Variants in TRAPPC8 observed in about 807,000 individuals in gnomAD.
TRAPPC8 encodes trafficking protein particle complex subunit 8, also known as general sporulation gene 1 homolog.
A neutral mutation model predicts 174.3 loss-of-function variants in TRAPPC8; 54 were observed. That is an observed-to-expected ratio of 0.31 (90% confidence interval 0.25 to 0.39). The LOEUF (loss-of-function observed/expected upper bound fraction) is 0.39, where lower values mean the gene tolerates loss of function less well. TRAPPC8 is among the 10% of genes least tolerant of loss of function. TRAPPC8 has a pLI of 1.00. For synonymous variants in TRAPPC8, 630 were observed against 579.9 expected (o/e 1.09, Z -1.24); for missense variants, 1,531 against 1,699.1 (o/e 0.90, Z 1.74).
At position 31,880,119 on chromosome 18, in the gene TRAPPC8, ATATTTTT is replaced by A. The variant is rs1245333379; in HGVS notation, c.1729-5422_1729-5416del. Reference sequence around the variant, plus strand: ...TATATATATATATATATATATATATATATTTTTTTTTTTTTAAGGAAGAAAGATTCCT... The same window carrying A: ...TATATATATATATATATATATATATATTTTTTTTAAGGAAGAAAGATTCCT... On this transcript the variant is annotated intron_variant, in intron 12 of 28. Coordinates refer to ENST00000283351, the MANE Select transcript of TRAPPC8 (RefSeq NM_014939.5). Among the ~76,000 whole-genome samples the A allele has an allele frequency of 7.3e-4, 53 of 72,824 alleles. 1 individual carries two copies. The highest frequency in any genetic ancestry group is 1.4e-3 in the South Asian group (3 of 2,174). The allele number at this position is 72,824 out of a possible 152,430, so 47.8% of individuals were successfully genotyped here.
intron 28 of TRAPPC8, 101 bp from the exon 29 acceptor site, chr18:31,831,090 C>T (rs1186451215): frequency 1.5e-5 from 14 of 925,966 alleles, no homozygotes; most frequent in South Asian, 1.7e-5. Flanking sequence ...CGGTGGCTCA[C>T]GCCTGTAATC....
chr18:31,882,965 C>T (rs1220277444), intron 12 of TRAPPC8, among the ~76,000 whole-genome samples: 1 of 147,854 alleles, frequency 6.8e-6, no homozygotes, highest in East Asian at 2.1e-4. Flanking sequence ...TGGCTCACAC[C>T]TGTAATCCCA....
intron 15 of TRAPPC8, 44 bp downstream of exon 15, chr18:31,870,878 TGTAA>T: frequency 7.1e-7 from 1 of 1,402,558 alleles, no homozygotes; most frequent in South Asian, 1.7e-5. Context: ...TTCATCATGC[TGTAA>T]GTAAAACAAA....
At chr18:31,870,029 T>C (rs1443459837) in intron 16 of TRAPPC8, 7 of 154,504 alleles carry the variant, frequency 4.5e-5, no homozygotes. Flanking sequence ...GAGGCAGAGG[T>C]TGCAGTGAGC....
At chr18:31,889,860 C>T (rs2035879896) in intron 12 of TRAPPC8, among the ~76,000 whole-genome samples, 1 of 152,104 alleles carries the variant, frequency 6.6e-6, no homozygotes, top group South Asian at 2.1e-4. Flanking sequence ...AATTTCTGAA[C>T]ATCTTTACTT....
At chr18:31,911,894 T>C (rs2036927012) in intron 5 of TRAPPC8, among the ~76,000 whole-genome samples, 1 of 150,900 alleles carries the variant, frequency 6.6e-6, no homozygotes, top group Non-Finnish European at 1.5e-5. Context: ...AAAAAAAATT[T>C]TCTTCTAAAC....
Position 31,829,290 on chromosome 18 carries a change from A to G in TRAPPC8, c.*1465T>C, listed in dbSNP as rs945522438. 1 of 152,194 alleles carries G rather than the reference A, an allele frequency of 6.6e-6. No homozygotes were observed. Among genetic ancestry groups the G allele is most frequent in the Non-Finnish European group, 1.5e-5 (1 of 68,036 alleles). 9.4% of individuals were successfully genotyped at this position (152,194 alleles called of 1,614,324 possible). A position where few individuals can be genotyped will look rare whatever the true frequency, so the allele number is the denominator to read the frequency against. The stretch of plus-strand genomic sequence containing the variant: ...TTAGTGTCTGTTTAACAATCGGTTC[A>G]ATTTAATATTCAGCTGAGTGGTTTA... On this transcript the variant is annotated 3_prime_UTR_variant, in exon 29 of 29. Transcript: ENST00000283351.
In TRAPPC8 at chr18:31,867,453, A is replaced by G. The variant is rs757194963; in HGVS notation, c.2412T>C (p.Ile804=). Residue 804 remains isoleucine, a synonymous_variant, in exon 17 of 29, where the codon ATT becomes ATC. Transcript: ENST00000283351. ...AGAACTCTGAAATAACTTCAGCTCC[A>G]ATCATTTCAGGTTCACTTGTAACCT... The part of the protein sequence containing the change: ...KQLVTSEPEM[I]GAEVISEFLI... 4 of 1,607,862 alleles carry G rather than the reference A, an allele frequency of 2.5e-6. No homozygotes were observed.
intron 2 of TRAPPC8, among the ~76,000 whole-genome samples, chr18:31,928,336 TACAC>T (rs34570497): frequency 0.022 from 3,198 of 142,914 alleles, 108 homozygotes; most frequent in African/African-American, 0.075. Context: ...ACCTTATCTC[TACAC>T]ACACACACAC....
At chr18:31,861,943 G>GGGGGCGGT (rs2034348659) in intron 19 of TRAPPC8, among the ~76,000 whole-genome samples, 1 of 136,670 alleles carries the variant, frequency 7.3e-6, no homozygotes, top group Non-Finnish European at 1.6e-5. Context: ...AAAAGGGGGG[G>GGGGGCGGT]GGGGGCGGTG....
Position 31,942,950 on chromosome 18 carries a change from A to AC in TRAPPC8, c.-187dup, listed in dbSNP as rs1251263865. On this transcript the variant is annotated 5_prime_UTR_variant, in exon 1 of 29. Coordinates refer to ENST00000283351, the MANE Select transcript of TRAPPC8 (RefSeq NM_014939.5). ...TCGGTTTCTGGGGCACAATCCACTG[A>AC]CCCCCCCCTTCCCGTCACCGCCGCT... 1.3e-3 allele frequency: 1,488 copies of AC among 1,150,958 alleles called. 7 individuals are homozygous for AC. The highest frequency in any genetic ancestry group is 0.012 in the African/African-American group (705 of 60,688). 71.3% of individuals were successfully genotyped at this position (1,150,958 alleles called of 1,614,324 possible).
intron 1 of TRAPPC8, among the ~76,000 whole-genome samples, chr18:31,941,129 G>C (rs1199001055): frequency 1.3e-5 from 2 of 152,292 alleles, no homozygotes; most frequent in Non-Finnish European, 2.9e-5. Context: ...AGTAAAACTA[G>C]CTCAAGTGTT....
At position 31,832,719 on chromosome 18, in the gene TRAPPC8, ATAAT is replaced by A. The variant is rs2032448746; in HGVS notation, c.3984-550_3984-547del. ...CTCAGGTAGCCTAGTTTCTGATACC[ATAAT>A]TAATAAATTACTAAAGCATAGGAAA... is the stretch of plus-strand genomic sequence containing the variant. On this transcript the variant is annotated intron_variant, in intron 27 of 28. Transcript: ENST00000283351. 6 of 152,324 alleles carry A rather than the reference ATAAT, an allele frequency of 3.9e-5. No homozygotes were observed. The South Asian group carries it at 1.2e-3, about 32-fold the overall frequency. The allele number at this position is 152,324 out of a possible 1,614,324, so 9.4% of individuals were successfully genotyped here. A position where few individuals can be genotyped will look rare whatever the true frequency, so the allele number is the denominator to read the frequency against.
At chr18:31,941,934 T>C (rs1053436278) in intron 1 of TRAPPC8, among the ~76,000 whole-genome samples, 1 of 152,196 alleles carries the variant, frequency 6.6e-6, no homozygotes, top group Admixed American at 6.5e-5. Context: ...GACATTTCCA[T>C]CCCTATAACT....
chr18:31,863,178 T>C (rs1183646547), intron 19 of TRAPPC8, among the ~76,000 whole-genome samples: 2 of 152,000 alleles, frequency 1.3e-5, no homozygotes, highest in African/African-American at 4.8e-5. Flanking sequence ...AAAAACATCA[T>C]TTTTCAATCT....
intron 12 of TRAPPC8, among the ~76,000 whole-genome samples, chr18:31,884,362 G>A (rs2035599949): frequency 6.6e-6 from 1 of 152,202 alleles, no homozygotes; most frequent in African/African-American, 2.4e-5. Flanking sequence ...ATACCAGCGT[G>A]TGCTAAAACT....
intron 12 of TRAPPC8, among the ~76,000 whole-genome samples, chr18:31,880,154 TTAAC>T (rs1222010072): frequency 1.4e-5 from 2 of 141,528 alleles, no homozygotes; most frequent in African/African-American, 2.6e-5. Flanking sequence ...AGATTCCTCC[TTAAC>T]TAATATCATC....
chr18:31,872,003 G>A (rs1461822352), intron 14 of TRAPPC8, among the ~76,000 whole-genome samples: 4 of 151,266 alleles, frequency 2.6e-5, no homozygotes, highest in Non-Finnish European at 5.9e-5. Flanking sequence ...AGATTTAGGG[G>A]GTACAAGTTA....
chr18:31,838,576 A>G (rs549303628), intron 27 of TRAPPC8, among the ~76,000 whole-genome samples: 76 of 152,132 alleles, frequency 5.0e-4, no homozygotes, highest in South Asian at 5.0e-3. Flanking sequence ...TTACTTTCTT[A>G]CCTCCTATTT....
Sources: allele counts gnomAD v4.1 joint callset (sites outside exome capture counted in the v4.1 genomes callset), GRCh38; gene constraint gnomAD v4.1.1; transcripts MANE v1.5; gene names NCBI Gene and HGNC (gene_info 2026-07-23, HGNC 2026-07-21).